The following IZUMO4 variants were observed in gnomAD, a reference collection of about 807,000 sequenced individuals.
IZUMO4 encodes the protein izumo sperm-egg fusion protein 4.
Under a neutral mutation model 37.1 loss-of-function variants are expected in IZUMO4, and 51 were observed. That is an observed-to-expected ratio of 1.38 (90% CI 1.10 to 1.74). IZUMO4 has a LOEUF of 1.74. Among genes scored for constraint, IZUMO4 ranks in the 40% most tolerant of loss-of-function variants. The probability of loss-of-function intolerance (pLI) is 0.00; values close to 1 mark genes in which losing one functional copy is unlikely to be tolerated. For missense variants in IZUMO4, 364 were observed against 299.6 expected (o/e 1.21, Z -1.59); for synonymous variants, 162 against 121.4 (o/e 1.33, Z -2.20).
chr19:2,098,296 G>T lies in IZUMO4; in HGVS notation c.483G>T (p.Ala161=), dbSNP rs146744834. 6.2e-7 allele frequency: 1 copy of T among 1,613,878 alleles called. No individual in the cohort carries two copies. Among genetic ancestry groups the T allele is most frequent in the Non-Finnish European group, 8.5e-7 (1 of 1,180,016 alleles). The change falls in exon 6 of 10, where the codon GCG becomes GCT. Residue 161 remains alanine (A), a synonymous_variant. Coordinates refer to ENST00000395301, the MANE Select transcript of IZUMO4 (RefSeq NM_001039846.2). ...AGCCTGTGTCCCACAGGTCCTCGGC[G>T]CAGTGGAAGTCAGCTGTCCAGGGCC... The part of the protein sequence containing the change: ...ACFGYNCESS[A]QWKSAVQGLL...
At chr19:2,097,748 C>T (rs1181831766) in intron 3 of IZUMO4, 181 bp from the exon 4 acceptor site, 6 of 769,322 alleles carry the variant, frequency 7.8e-6, no homozygotes, top group Middle Eastern at 2.3e-4. Context: ...TGCTCCATCT[C>T]ACGCTGGGGG....
chr19:2,096,928 C>T lies in IZUMO4; in HGVS notation c.-18C>T, dbSNP rs756653259. 31 of 1,597,796 alleles carry T rather than the reference C, an allele frequency of 1.9e-5. No homozygotes were observed. In the African/African-American group the frequency reaches 2.5e-4, roughly 13 times the overall value. ...GCGAGCAGCGTCGTTGGTTGGCCGG[C>T]GGCGGGCCGGGACGGGCATGGCCCT... On this transcript the variant is annotated 5_prime_UTR_variant, in exon 1 of 10. Transcript: ENST00000395301.
rs1205510311 is a variant in IZUMO4, at chr19:2,097,318, A to G, written c.284A>G (p.Lys95Arg). The G allele has an allele frequency of 6.2e-7, 1 of 1,612,754 alleles. No homozygotes were observed. The highest frequency in any genetic ancestry group is 2.2e-5 in the East Asian group (1 of 44,862). The part of the protein sequence containing the change: ...YQMMDQLYQG[K>R]MYFPGYFPNE... The stretch of plus-strand genomic sequence containing the variant: ...ATGATGGATCAGCTGTACCAGGGGA[A>G]GATGTACTTCCCCGGTAAGGGGCGC... The change falls in exon 2 of 10, where the codon AAG (lysine) becomes AGG (arginine). Residue 95 changes from lysine (K) to arginine (R), a missense_variant. Physicochemically the swap from Lys to Arg is conservative, Grantham distance 26. Coordinates refer to ENST00000395301, the MANE Select transcript of IZUMO4 (RefSeq NM_001039846.2).
chr19:2,097,316 G>C lies in IZUMO4; in HGVS notation c.282G>C (p.Gly94=), dbSNP rs149382986. The stretch of plus-strand genomic sequence containing the variant: ...AGATGATGGATCAGCTGTACCAGGG[G>C]AAGATGTACTTCCCCGGTAAGGGGC... ...VYQMMDQLYQ[G]KMYFPGYFPN... Residue 94 remains glycine (G), a synonymous_variant, in exon 2 of 10, where the codon GGG becomes GGC. Transcript: ENST00000395301. 1 of 1,612,696 alleles carries C rather than the reference G, an allele frequency of 6.2e-7. No homozygotes were observed. The highest frequency in any genetic ancestry group is 8.5e-7 in the Non-Finnish European group (1 of 1,179,914).
At chr19:2,099,202 G>A in intron 9 of IZUMO4, 53 bp from the exon 10 acceptor site, 5 of 1,536,884 alleles carry the variant, frequency 3.3e-6, no homozygotes, top group Non-Finnish European at 3.6e-6. Context: ...CCCCAGGGAG[G>A]GAGGCAGGGG....
Position 2,099,285 on chromosome 19 carries a change from GC to G in IZUMO4, c.644del (p.Pro215HisfsTer6). 1 of 1,612,944 alleles carries G rather than the reference GC, an allele frequency of 6.2e-7. No homozygotes were observed. Among genetic ancestry groups the G allele is most frequent in the Non-Finnish European group, 8.5e-7 (1 of 1,179,850 alleles). ...LVSPALRCLE[P>X]PHLANLTLED... ...TATCGCCAGCCTTAAGGTGTCTGGA[GC>G]CCCCACACTTGGCCAACCTGACCTT... On this transcript the variant is annotated frameshift_variant, in exon 10 of 10. Transcript: ENST00000395301. LOFTEE classifies it high-confidence loss of function.
chr19:2,098,514 G>A (rs948448449), intron 7 of IZUMO4, 64 bp downstream of exon 7: 1 of 1,611,568 alleles, frequency 6.2e-7, no homozygotes, highest in Non-Finnish European at 8.5e-7. Context: ...GGGTGAGTAT[G>A]TGTGGGGCAC....
Position 2,099,325 on chromosome 19 carries a change from G to C in IZUMO4, c.679G>C (p.Glu227Gln), listed in dbSNP as rs1413643096. The stretch of plus-strand genomic sequence containing the variant: ...CAACCTGACCTTGGAAGATGCTGCT[G>C]AGTGTCTCAAGCAGCACTGACAGCA... ...LANLTLEDAAECLKQH is the reference protein window; with the variant it reads ...LANLTLEDAAQCLKQH The change falls in exon 10 of 10, where the codon GAG becomes CAG. Residue 227 changes from glutamate to glutamine, a missense_variant. Transcript: ENST00000395301. 4 of 1,612,714 alleles carry C rather than the reference G, an allele frequency of 2.5e-6. No homozygotes were observed. The African/African-American group carries it at 4.0e-5, about 16-fold the overall frequency.
In IZUMO4 at chr19:2,098,847, G is replaced by GGA. The variant is rs773555442; in HGVS notation, c.554+49_554+50dup. The GGA allele has an allele frequency of 1.9e-6, 3 of 1,582,282 alleles. No homozygotes were observed. In the South Asian group the frequency reaches 3.4e-5, roughly 18 times the overall value. On this transcript the variant is annotated intron_variant, in intron 8 of 9. Transcript: ENST00000395301. Reference sequence around the variant, plus strand: ...TGGACTTCAGGGGGAGGGGGTAAAGGGAGAGAGGAGGGGGGCTAGGGGGTC... The same window carrying GGA: ...TGGACTTCAGGGGGAGGGGGTAAAGGGAGAGAGAGGAGGGGGGCTAGGGGGTC...
chr19:2,097,032 C>A lies in IZUMO4; in HGVS notation c.87C>A (p.Phe29Leu). 6.2e-7 allele frequency: 1 copy of A among 1,612,436 alleles called. No homozygotes were observed. Among genetic ancestry groups the A allele is most frequent in the Non-Finnish European group, 8.5e-7 (1 of 1,179,874 alleles). Residue 29 changes from phenylalanine to leucine, a missense_variant, in exon 1 of 10, where the codon TTC becomes TTA. By Grantham distance (22) the Phe-to-Leu change is conservative. Transcript: ENST00000395301. ...GCCACAGCAACTTCTCCAAGAAGTTCTCCTTCTACCGCCACCATGTGAACT... is the reference window on the plus strand; with the variant it reads ...GCCACAGCAACTTCTCCAAGAAGTTATCCTTCTACCGCCACCATGTGAACT... ...LHCHSNFSKK[F>L]SFYRHHVNFK... is the part of the protein sequence containing the mutation.
intron 8 of IZUMO4, 41 bp from the exon 9 acceptor site, chr19:2,098,935 T>C (rs200235845): frequency 3.1e-4 from 504 of 1,608,120 alleles, no homozygotes; most frequent in Middle Eastern, 5.0e-4. Flanking sequence ...CTGCTGGATG[T>C]CACCTCTGCA....
Position 2,097,171 on chromosome 19 carries a change from C to T in IZUMO4, c.217+9C>T, listed in dbSNP as rs1364751618. 2 of 1,608,210 alleles carry T rather than the reference C, an allele frequency of 1.2e-6. No individual in the cohort carries two copies. Among genetic ancestry groups the T allele is most frequent in the East Asian group, 2.2e-5 (1 of 44,774 alleles). On this transcript the variant is annotated intron_variant, in intron 1 of 9. Coordinates refer to ENST00000395301, the MANE Select transcript of IZUMO4 (RefSeq NM_001039846.2). ...CATCCCCGCCAAGATCAGTGAGTGC[C>T]GGAGCCCAGCCCAGTCCCGACTACC...
rs758421454 is a variant in IZUMO4, at chr19:2,098,141, A to T, written c.473+14A>T. The T allele has an allele frequency of 9.3e-6, 15 of 1,613,332 alleles. No homozygotes were observed. Among genetic ancestry groups the T allele is most frequent in the Non-Finnish European group, 1.3e-5 (15 of 1,179,852 alleles). ...CTATAACTGCGAGTAGGGCTCAGGC[A>T]TCACACCCACCCGTGCCAGGGCCCT... On this transcript the variant is annotated intron_variant, in intron 5 of 9. Transcript: ENST00000395301.
chr19:2,098,642 A>G, intron 7 of IZUMO4, 145 bp from the exon 8 acceptor site: 1 of 1,556,014 alleles, frequency 6.4e-7, no homozygotes, highest in Non-Finnish European at 8.7e-7. Context: ...TCCGACCCTC[A>G]GCTGGAGGCG....
intron 5 of IZUMO4, 24 bp downstream of exon 5, chr19:2,098,151 C>T (rs758610048): frequency 1.2e-6 from 2 of 1,612,680 alleles, no homozygotes; most frequent in East Asian, 4.5e-5. Context: ...ATCACACCCA[C>T]CCGTGCCAGG....
chr19:2,099,147 C>T, intron 9 of IZUMO4, 108 bp from the exon 10 acceptor site: 4 of 1,381,114 alleles, frequency 2.9e-6, no homozygotes, highest in Non-Finnish European at 4.1e-6. Flanking sequence ...TGGATGTGGC[C>T]ACACATAGGA....
Position 2,096,938 on chromosome 19 carries a change from G to C in IZUMO4, c.-8G>C. On this transcript the variant is annotated 5_prime_UTR_variant, in exon 1 of 10. Coordinates refer to ENST00000395301, the MANE Select transcript of IZUMO4 (RefSeq NM_001039846.2). ...TCGTTGGTTGGCCGGCGGCGGGCCG[G>C]GACGGGCATGGCCCTGCTGCTGTGC... 6.2e-7 allele frequency: 1 copy of C among 1,600,314 alleles called. No homozygotes were observed. Among genetic ancestry groups the C allele is most frequent in the South Asian group, 1.1e-5 (1 of 90,836 alleles).
chr19:2,098,160 G>C, intron 5 of IZUMO4, 33 bp downstream of exon 5: 1 of 1,612,524 alleles, frequency 6.2e-7, no homozygotes, highest in Non-Finnish European at 8.5e-7. Context: ...ACCCGTGCCA[G>C]GGCCCTACTG....
Position 2,097,352 on chromosome 19 carries a change from G to A in IZUMO4, c.298+20G>A, listed in dbSNP as rs1051751211. On this transcript the variant is annotated intron_variant, in intron 2 of 9. Coordinates refer to ENST00000395301, the MANE Select transcript of IZUMO4 (RefSeq NM_001039846.2). ...TCCCCGGTAAGGGGCGCGAAACCGAGGCGGGGCCCCCCCACCCCGGGACAC... is the reference window on the plus strand; with the variant it reads ...TCCCCGGTAAGGGGCGCGAAACCGAAGCGGGGCCCCCCCACCCCGGGACAC... 6.2e-7 allele frequency: 1 copy of A among 1,612,208 alleles called. No individual in the cohort carries two copies. The highest frequency in any genetic ancestry group is 8.5e-7 in the Non-Finnish European group (1 of 1,179,546).
Sources: allele counts gnomAD v4.1 joint callset, GRCh38; gene constraint gnomAD v4.1.1; transcripts MANE v1.5; gene names NCBI Gene and HGNC (gene_info 2026-07-23, HGNC 2026-07-21).